STK32A: variants seen among roughly 807,000 people sequenced by gnomAD.
The protein encoded by STK32A is serine/threonine kinase 32A.
A neutral mutation model predicts 53.2 loss-of-function variants in STK32A; 41 were observed. That is an observed-to-expected ratio of 0.77 (90% CI 0.60 to 1.00). The LOEUF (loss-of-function observed/expected upper bound fraction) is 1.00, where lower values mean the gene tolerates loss of function less well. Ranked by LOEUF, STK32A falls within the 50% of genes least tolerant of loss-of-function variation. STK32A has a pLI of 0.00. For synonymous variants in STK32A, 166 were observed against 162.8 expected (o/e 1.02, Z -0.15); for missense variants, 458 against 485.8 (o/e 0.94, Z 0.54).
intron 2 of STK32A, among the ~76,000 whole-genome samples, chr5:147,259,049 C>A: frequency 6.6e-6 from 1 of 152,114 alleles, no homozygotes; most frequent in Non-Finnish European, 1.5e-5. Context: ...TTATCACTTC[C>A]TGAATACTCA....
chr5:147,266,729 A>G (rs1754828890), intron 2 of STK32A, among the ~76,000 whole-genome samples: 1 of 152,138 alleles, frequency 6.6e-6, no homozygotes, highest in African/African-American at 2.4e-5. Flanking sequence ...TGTTTTGGCA[A>G]GAGAGGCAAC....
chr5:147,338,580 G>A (rs1032898833), intron 5 of STK32A, among the ~76,000 whole-genome samples: 2 of 152,164 alleles, frequency 1.3e-5, no homozygotes, highest in African/African-American at 4.8e-5. Context: ...AAGAAGATAG[G>A]AAAATGTGGG....
At chr5:147,268,207 G>A (rs918626535) in intron 2 of STK32A, among the ~76,000 whole-genome samples, 1 of 152,062 alleles carries the variant, frequency 6.6e-6, no homozygotes, top group African/African-American at 2.4e-5. Context: ...ATTTATTTAT[G>A]TTTCATCTCT....
At chr5:147,379,853 G>A (rs1027025408) in intron 11 of STK32A, among the ~76,000 whole-genome samples, 4 of 152,034 alleles carry the variant, frequency 2.6e-5, no homozygotes, top group Non-Finnish European at 5.9e-5. Context: ...GATTTTAAGC[G>A]ATCATTTCCC....
At chr5:147,246,365 C>G (rs1470333418) in intron 2 of STK32A, among the ~76,000 whole-genome samples, 2 of 152,168 alleles carry the variant, frequency 1.3e-5, no homozygotes, top group East Asian at 3.8e-4. Flanking sequence ...GGAGTGTTCC[C>G]TGAGCAGTGA....
intron 2 of STK32A, among the ~76,000 whole-genome samples, chr5:147,274,505 G>A (rs1755170424): frequency 1.3e-5 from 2 of 152,170 alleles, no homozygotes; most frequent in African/African-American, 4.8e-5. Context: ...AGAGGTTAGA[G>A]AAAACAATGC....
intron 7 of STK32A, among the ~76,000 whole-genome samples, chr5:147,360,016 CA>C (rs1280454446): frequency 4.6e-5 from 7 of 152,168 alleles, no homozygotes; most frequent in African/African-American, 1.7e-4. Context: ...ATCAACCATA[CA>C]AATCTTTCAA....
chr5:147,381,739 G>C (rs1030623092), intron 11 of STK32A, among the ~76,000 whole-genome samples: 4 of 151,752 alleles, frequency 2.6e-5, no homozygotes, highest in Non-Finnish European at 5.9e-5. Flanking sequence ...TTGGATTTGG[G>C]GGCTCATGCC....
chr5:147,314,515 AACAAAAAAAAAC>A (rs1479828235), intron 4 of STK32A, among the ~76,000 whole-genome samples: 16 of 8,936 alleles, frequency 1.8e-3, no homozygotes, highest in African/African-American at 4.9e-3. Flanking sequence ...AACAAAAAAA[AACAAAAAAAAAC>A]AAAAAAAAAA....
At chr5:147,353,542 A>G (rs1756082805) in intron 7 of STK32A, among the ~76,000 whole-genome samples, 1 of 152,116 alleles carries the variant, frequency 6.6e-6, no homozygotes, top group Non-Finnish European at 1.5e-5. Flanking sequence ...CAGGCGGATC[A>G]CAAGATCAAG....
chr5:147,336,507 A>G (rs1481672248), intron 5 of STK32A, among the ~76,000 whole-genome samples: 2 of 152,138 alleles, frequency 1.3e-5, no homozygotes, highest in Non-Finnish European at 2.9e-5. Flanking sequence ...CTATTTGTAA[A>G]TATATATACT....
chr5:147,318,200 G>A (rs17547243), intron 4 of STK32A, among the ~76,000 whole-genome samples: 9,054 of 151,488 alleles, frequency 0.06, 320 homozygotes, highest in Middle Eastern at 0.16. Flanking sequence ...CTTTTCCTTC[G>A]TCTTTACAAC....
At chr5:147,316,960 T>C (rs1020546084) in intron 4 of STK32A, among the ~76,000 whole-genome samples, 1 of 151,488 alleles carries the variant, frequency 6.6e-6, no homozygotes, top group Admixed American at 6.6e-5. Context: ...AGTTTCTCTG[T>C]ATAAAAGTAC....
chr5:147,390,581 G>A (rs548354679), downstream of STK32A, among the ~76,000 whole-genome samples: 1 of 151,000 alleles, frequency 6.6e-6, no homozygotes, highest in South Asian at 2.1e-4. Flanking sequence ...ATGATCCACA[G>A]AAGAAAAAAA....
chr5:147,320,479 G>A (rs1156708516), intron 4 of STK32A, among the ~76,000 whole-genome samples: 2 of 151,992 alleles, frequency 1.3e-5, no homozygotes, highest in African/African-American at 2.4e-5. Flanking sequence ...ATTGCTATCT[G>A]TTCAATCTGT....
intron 11 of STK32A, among the ~76,000 whole-genome samples, chr5:147,377,306 T>G (rs2152006274): frequency 6.6e-6 from 1 of 152,272 alleles, no homozygotes; most frequent in East Asian, 1.9e-4. Flanking sequence ...TTTTAAATTT[T>G]TTGATACCTG....
chr5:147,275,117 G>A (rs997053113), intron 2 of STK32A, among the ~76,000 whole-genome samples: 1 of 152,064 alleles, frequency 6.6e-6, no homozygotes, highest in Non-Finnish European at 1.5e-5. Flanking sequence ...ATTCCCCTTA[G>A]GCAAATCCTG....
chr5:147,394,689 A>G, the STK32A span, among the ~76,000 whole-genome samples: 4 of 152,144 alleles, frequency 2.6e-5, no homozygotes, highest in African/African-American at 9.7e-5. Context: ...CAACAAAAAA[A>G]AAAAGGCAAA....
chr5:147,397,727 C>T, the STK32A span: 30 of 1,613,996 alleles, frequency 1.9e-5, no homozygotes, highest in African/African-American at 5.3e-5. Context: ...GGGTATGAAG[C>T]GGCCAGCCCC....
Sources: gnomAD v4.1 joint callset for allele counts (sites outside exome capture counted in the v4.1 genomes callset) on GRCh38, gnomAD v4.1.1 for gene constraint, MANE v1.5 for transcripts, NCBI Gene and HGNC (gene_info 2026-07-23, HGNC 2026-07-21) for gene names.